RC3H2: variants seen among roughly 807,000 people sequenced by gnomAD.
RC3H2 encodes the protein ring finger and CCCH-type domains 2.
In RC3H2, 31 loss-of-function variants were observed where a neutral mutation model predicts 133.3. The observed-to-expected ratio is 0.23, with a 90% CI of 0.17 to 0.31. RC3H2 has a LOEUF of 0.31. Among genes scored for constraint, RC3H2 ranks in the 10% least tolerant of loss-of-function variants. The probability of loss-of-function intolerance (pLI) is 1.00; values close to 1 mark genes in which losing one functional copy is unlikely to be tolerated. For missense variants in RC3H2, 1,175 were observed against 1,437.2 expected (o/e 0.82, Z 2.95); for synonymous variants, 517 against 502.2 (o/e 1.03, Z -0.40).
intron 3 of RC3H2, among the ~76,000 whole-genome samples, chr9:122,891,015 T>A (rs1272226737): frequency 4.9e-5 from 1 of 20,574 alleles, no homozygotes; most frequent in Non-Finnish European, 2.4e-4. Context: ...CTGCCCCATT[T>A]TTTTTTTTTT....
At chr9:122,893,132 C>A in intron 2 of RC3H2, 106 bp from the exon 3 acceptor site, 1 of 1,350,304 alleles carries the variant, frequency 7.4e-7, no homozygotes, top group Non-Finnish European at 9.9e-7. Flanking sequence ...AATTATCATG[C>A]ATAGATAATA....
rs575363827 is a variant in RC3H2 at position 122,894,116 on chromosome 9, G to T, written c.232-1090C>A. The stretch of plus-strand genomic sequence containing the variant: ...CTACTAAAAATACAAAAAATTAGCC[G>T]GGCGTGGTGGCGGGCACCTGTAGTC... On this transcript the variant is annotated intron_variant, in intron 2 of 20. Transcript: ENST00000357244. 4.9e-4 allele frequency among the ~76,000 whole-genome samples: 74 copies of T among 152,010 alleles called. 1 individual carries two copies. The highest frequency in any genetic ancestry group is 9.3e-4 in the Non-Finnish European group (63 of 67,964).
At position 122,890,469 on chromosome 9, in the gene RC3H2, C is replaced by T. The variant is rs1480259888; in HGVS notation, c.426G>A (p.Leu142=). ...CTCTTACACGACCTTCTTCCTCCAC[C>T]AGTTGACAGTTTACAAGTGTCACCA... ...RKLVTLVNCQ[L]VEEEGRVRAM... The change falls in exon 4 of 21, where the codon CTG becomes CTA. Residue 142 remains leucine, a synonymous_variant. Transcript: ENST00000357244. The T allele has an allele frequency of 1.9e-6, 3 of 1,614,210 alleles. No individual in the cohort carries two copies. Among genetic ancestry groups the T allele is most frequent in the South Asian group, 2.2e-5 (2 of 91,088 alleles).
intron 13 of RC3H2, 52 bp from the exon 14 acceptor site, chr9:122,855,930 A>T: frequency 6.9e-7 from 1 of 1,455,522 alleles, no homozygotes; most frequent in African/African-American, 1.4e-5. Flanking sequence ...TAAATTTACA[A>T]GCTTGTAACT....
chr9:122,858,632 C>T, intron 12 of RC3H2, 37 bp downstream of exon 12: 1 of 1,548,938 alleles, frequency 6.5e-7, no homozygotes, highest in South Asian at 1.2e-5. Flanking sequence ...AGACACTGGG[C>T]TGTTAATGAC....
intron 18 of RC3H2, chr9:122,853,746 C>T: frequency 7.3e-7 from 1 of 1,372,422 alleles, no homozygotes; most frequent in Non-Finnish European, 9.7e-7. Context: ...GATTCCATCT[C>T]AAAAAAACAA....
At chr9:122,866,119 G>A (rs937576020) in intron 9 of RC3H2, among the ~76,000 whole-genome samples, 2 of 151,824 alleles carry the variant, frequency 1.3e-5, no homozygotes, top group Admixed American at 1.3e-4. Flanking sequence ...AACTGTAAAA[G>A]GATTATATAA....
At position 122,861,490 on chromosome 9, in the gene RC3H2, C is replaced by CAAA. The variant is rs1197442646; in HGVS notation, c.1635-1362_1635-1360dup. Reference sequence around the variant, plus strand: ...AGGCAACAAGAGCGAAACTCCGTCTCAAAAAAAAAAAAAAAAAAAGAAAAG... The same window carrying CAAA: ...AGGCAACAAGAGCGAAACTCCGTCTCAAAAAAAAAAAAAAAAAAAAAAGAAAAG... On this transcript the variant is annotated intron_variant, in intron 10 of 20. Coordinates refer to ENST00000357244, the MANE Select transcript of RC3H2 (RefSeq NM_001100588.3). Among the ~76,000 whole-genome samples the CAAA allele has an allele frequency of 5.1e-3, 284 of 55,646 alleles. 2 individuals are homozygous for CAAA. The highest frequency in any genetic ancestry group is 0.015 in the African/African-American group (269 of 18,256). 36.5% of individuals were successfully genotyped at this position (55,646 alleles called of 152,430 possible).
chr9:122,870,821 T>C (rs997962011), intron 9 of RC3H2, among the ~76,000 whole-genome samples: 1 of 152,250 alleles, frequency 6.6e-6, no homozygotes, highest in Non-Finnish European at 1.5e-5. Flanking sequence ...ACTCCCTCTG[T>C]ATCTCATTTG....
chr9:122,861,490 CAAA>C (rs1197442646), intron 10 of RC3H2, among the ~76,000 whole-genome samples: 1 of 55,638 alleles, frequency 1.8e-5, no homozygotes. Context: ...AACTCCGTCT[CAAA>C]AAAAAAAAAA....
chr9:122,865,749 A>G (rs1350758860), intron 9 of RC3H2, 92 bp from the exon 10 acceptor site: 2 of 1,099,486 alleles, frequency 1.8e-6, no homozygotes, highest in East Asian at 2.4e-5. Flanking sequence ...TAGATTGAAA[A>G]AGGAGGAAAC....
At chr9:122,898,319 T>C (rs1252693233) in intron 1 of RC3H2, among the ~76,000 whole-genome samples, 1 of 152,182 alleles carries the variant, frequency 6.6e-6, no homozygotes, top group Non-Finnish European at 1.5e-5. Context: ...GATTGATATA[T>C]ATAACCAAAA....
At chr9:122,884,830 C>A (rs1416580394) in intron 4 of RC3H2, among the ~76,000 whole-genome samples, 1 of 147,250 alleles carries the variant, frequency 6.8e-6, no homozygotes, top group African/African-American at 2.5e-5. Flanking sequence ...TCCAGCCTGG[C>A]GACATAGCGA....
chr9:122,893,600 G>A (rs1191736184), intron 2 of RC3H2, among the ~76,000 whole-genome samples: 1 of 152,166 alleles, frequency 6.6e-6, no homozygotes, highest in African/African-American at 2.4e-5. Flanking sequence ...GTATTGTATC[G>A]ATGCTAATTT....
At position 122,880,143 on chromosome 9, in the gene RC3H2, G is replaced by C. The variant is rs1831549517; in HGVS notation, c.961-18C>G. ...GACTGTAGCTAACAAACAGAAATGAGAATGCTTTTTACTTTGGTTCTTATG... is the reference window on the plus strand; with the variant it reads ...GACTGTAGCTAACAAACAGAAATGACAATGCTTTTTACTTTGGTTCTTATG... On this transcript the variant is annotated intron_variant, in intron 6 of 20. Coordinates refer to ENST00000357244, the MANE Select transcript of RC3H2 (RefSeq NM_001100588.3). 1.2e-6 allele frequency: 2 copies of C among 1,613,330 alleles called. No homozygotes were observed. The highest frequency in any genetic ancestry group is 2.2e-5 in the East Asian group (1 of 44,872).
At chr9:122,876,439 T>C (rs544910897) in intron 9 of RC3H2, among the ~76,000 whole-genome samples, 42 of 152,090 alleles carry the variant, frequency 2.8e-4, no homozygotes, top group African/African-American at 8.0e-4. Flanking sequence ...ACCCGCCTGG[T>C]GAACATGGTG....
chr9:122,902,426 CT>C (rs1451073909), intron 1 of RC3H2, among the ~76,000 whole-genome samples: 1 of 152,148 alleles, frequency 6.6e-6, no homozygotes, highest in Non-Finnish European at 1.5e-5. Flanking sequence ...TTTTATACAT[CT>C]ACTTTTATTC....
In RC3H2 at chr9:122,845,390, G is replaced by T. The variant is rs948791750; in HGVS notation, c.*4237C>A. 1 of 152,184 alleles carries T rather than the reference G, an allele frequency of 6.6e-6. No homozygotes were observed. The highest frequency in any genetic ancestry group is 1.5e-5 in the Non-Finnish European group (1 of 68,030). 9.4% of individuals were successfully genotyped at this position (152,184 alleles called of 1,614,324 possible). On this transcript the variant is annotated 3_prime_UTR_variant, in exon 21 of 21. Coordinates refer to ENST00000357244, the MANE Select transcript of RC3H2 (RefSeq NM_001100588.3). Reference sequence around the variant, plus strand: ...AGTATAATTGTTTGCCCAGCTAAGAGAATGCATGCACTTCCATGCCTTGGG... The same window carrying T: ...AGTATAATTGTTTGCCCAGCTAAGATAATGCATGCACTTCCATGCCTTGGG...
chr9:122,900,114 T>G (rs1439158577), intron 1 of RC3H2, among the ~76,000 whole-genome samples: 1 of 152,196 alleles, frequency 6.6e-6, no homozygotes, highest in Non-Finnish European at 1.5e-5. Flanking sequence ...TAGTCCTTAG[T>G]ATAGTTTTAT....
Sources: allele counts gnomAD v4.1 joint callset (sites outside exome capture counted in the v4.1 genomes callset), GRCh38; gene constraint gnomAD v4.1.1; transcripts MANE v1.5; gene names NCBI Gene and HGNC (gene_info 2026-07-23, HGNC 2026-07-21).